Variants in PTPRQ observed in about 807,000 individuals in gnomAD.
The protein encoded by PTPRQ is phosphatidylinositol phosphatase PTPRQ.
A neutral mutation model predicts 246.0 loss-of-function variants in PTPRQ; 199 were observed. The observed-to-expected ratio is 0.81, with a 90% CI of 0.72 to 0.91. The LOEUF (loss-of-function observed/expected upper bound fraction) is 0.91, where lower values mean the gene tolerates loss of function less well. PTPRQ is among the 40% of genes least tolerant of loss of function. The pLI is 0.00. For synonymous variants in PTPRQ, 869 were observed against 853.2 expected, an observed-to-expected ratio of 1.02 and a Z score of -0.32; for missense variants, 2,624 against 2,528.4, an observed-to-expected ratio of 1.04 and a Z score of -0.81.
chr12:80,632,320 G>C, intron 34 of PTPRQ, 29 bp downstream of exon 34: 1 of 1,550,846 alleles, frequency 6.4e-7, no homozygotes, highest in Non-Finnish European at 8.7e-7. Flanking sequence ...TACATTCCAG[G>C]ATGCTTTATG....
chr12:80,568,583 C>T (rs984281387), intron 25 of PTPRQ, among the ~76,000 whole-genome samples: 2 of 152,208 alleles, frequency 1.3e-5, no homozygotes, highest in African/African-American at 2.4e-5. Flanking sequence ...GCAGTGTTAA[C>T]ATTCCCATGG....
chr12:80,662,238 T>A (rs2121261965), intron 39 of PTPRQ, among the ~76,000 whole-genome samples: 1 of 152,070 alleles, frequency 6.6e-6, no homozygotes, highest in South Asian at 2.1e-4. Context: ...ACTAATTGTA[T>A]CTGCATATAC....
At chr12:80,554,017 G>A (rs1896566715) in intron 25 of PTPRQ, among the ~76,000 whole-genome samples, 2 of 150,980 alleles carry the variant, frequency 1.3e-5, no homozygotes, top group Admixed American at 1.3e-4. Flanking sequence ...TAAAACAATT[G>A]AACTCATGGA....
intron 17 of PTPRQ, among the ~76,000 whole-genome samples, chr12:80,511,828 A>C (rs536409208): frequency 2.2e-4 from 33 of 152,358 alleles, no homozygotes; most frequent in African/African-American, 7.7e-4. Flanking sequence ...GGAGGGTAAC[A>C]GTGGGGACAG....
intron 35 of PTPRQ, among the ~76,000 whole-genome samples, chr12:80,647,074 A>G (rs1383792663): frequency 6.6e-6 from 1 of 152,154 alleles, no homozygotes; most frequent in Non-Finnish European, 1.5e-5. Context: ...ACCAACATCT[A>G]CTTTAGATTC....
At chr12:80,480,830 G>A (rs959934637) in intron 8 of PTPRQ, among the ~76,000 whole-genome samples, 1 of 152,172 alleles carries the variant, frequency 6.6e-6, no homozygotes, top group Non-Finnish European at 1.5e-5. Context: ...CCAGGAAGAA[G>A]TTGAATCTCT....
Position 80,534,952 on chromosome 12 carries a change from T to C in PTPRQ, c.2900T>C (p.Leu967Pro). Residue 967 changes from leucine to proline, a missense_variant, in exon 19 of 45, where the codon CTT (leucine) becomes CCT (proline). Coordinates refer to ENST00000644991, the MANE Select transcript of PTPRQ (RefSeq NM_001145026.2). The stretch of plus-strand genomic sequence containing the variant: ...AACCTCAGTTCTTCATCAATAATTC[T>C]TTTCTGGACACCTCCTTCAAAACCT... ...YANLSSSSII[L>P]FWTPPSKPNG... is the part of the protein sequence containing the mutation. The C allele has an allele frequency of 6.4e-7, 1 of 1,550,432 alleles. No individual in the cohort carries two copies. The highest frequency in any genetic ancestry group is 8.7e-7 in the Non-Finnish European group (1 of 1,146,420).
At chr12:80,542,422 T>G (rs1896183932) in intron 22 of PTPRQ, 58 bp downstream of exon 22, 3 of 1,501,944 alleles carry the variant, frequency 2.0e-6, no homozygotes, top group Non-Finnish European at 1.8e-6. Flanking sequence ...CTGCTCTCTC[T>G]TTTTAAGGAA....
At chr12:80,649,705 C>T (rs1259857911) in intron 37 of PTPRQ, 36 bp downstream of exon 37, 5 of 1,522,490 alleles carry the variant, frequency 3.3e-6, no homozygotes, top group Middle Eastern at 1.7e-4. Flanking sequence ...ATTGCAAGAC[C>T]TCCAGTCGTT....
At chr12:80,678,818 A>G (rs1901227352) in intron 44 of PTPRQ, 93 bp downstream of exon 44, 1 of 1,451,458 alleles carries the variant, frequency 6.9e-7, no homozygotes, top group Non-Finnish European at 9.1e-7. Flanking sequence ...AAAAATGTTT[A>G]AGAAGCTGGA....
At chr12:80,475,867 A>G (rs914329235) in intron 8 of PTPRQ, among the ~76,000 whole-genome samples, 1 of 152,008 alleles carries the variant, frequency 6.6e-6, no homozygotes, top group African/African-American at 2.4e-5. Context: ...GTCTGCTACT[A>G]CTCTTGGTTT....
chr12:80,515,656 A>T (rs540857066), intron 17 of PTPRQ, among the ~76,000 whole-genome samples: 27 of 147,694 alleles, frequency 1.8e-4, no homozygotes, highest in Admixed American at 1.8e-3. Flanking sequence ...CTGGTCTTGA[A>T]CTCCTGACCT....
chr12:80,548,552 C>T (rs528036971), intron 24 of PTPRQ, among the ~76,000 whole-genome samples: 3 of 152,136 alleles, frequency 2.0e-5, no homozygotes, highest in East Asian at 1.9e-4. Context: ...CCAGGTAGAG[C>T]GGTGTAGGCA....
intron 26 of PTPRQ, 139 bp downstream of exon 26, chr12:80,588,591 C>T (rs898608004): frequency 1.8e-5 from 18 of 996,426 alleles, no homozygotes; most frequent in Non-Finnish European, 2.2e-5. Context: ...TATATAACGA[C>T]ATATTTAGTT....
At chr12:80,553,878 A>C (rs892839884) in intron 25 of PTPRQ, among the ~76,000 whole-genome samples, 1 of 152,188 alleles carries the variant, frequency 6.6e-6, no homozygotes, top group Non-Finnish European at 1.5e-5. Context: ...TTCAAAATGC[A>C]CTTATTCATT....
intron 38 of PTPRQ, among the ~76,000 whole-genome samples, 154 bp downstream of exon 38, chr12:80,652,988 C>A (rs1262145494): frequency 6.6e-6 from 1 of 151,758 alleles, no homozygotes; most frequent in Non-Finnish European, 1.5e-5. Flanking sequence ...ATATCTTTTG[C>A]TTTGTTCATA....
At chr12:80,672,167 G>A (rs1204135911) in intron 42 of PTPRQ, among the ~76,000 whole-genome samples, 2 of 151,422 alleles carry the variant, frequency 1.3e-5, no homozygotes, top group Admixed American at 6.6e-5. Flanking sequence ...CACATTCTTG[G>A]TCTGTTTATT....
At chr12:80,652,328 T>C (rs761124299) in intron 37 of PTPRQ, among the ~76,000 whole-genome samples, 3 of 152,030 alleles carry the variant, frequency 2.0e-5, no homozygotes, top group Admixed American at 6.6e-5. Context: ...GTTGTACCAA[T>C]TAATAGGCAT....
chr12:80,444,972 C>A, intron 2 of PTPRQ, 123 bp downstream of exon 2: 2 of 1,147,808 alleles, frequency 1.7e-6, no homozygotes, highest in Non-Finnish European at 2.3e-6. Context: ...TAGAATAAGG[C>A]AAAATGGAAA....
Sources: allele counts gnomAD v4.1 joint callset (sites outside exome capture counted in the v4.1 genomes callset), GRCh38; gene constraint gnomAD v4.1.1; transcripts MANE v1.5; gene names NCBI Gene and HGNC (gene_info 2026-07-23, HGNC 2026-07-21).